Variants in NRL observed in about 807,000 individuals in gnomAD.
NRL encodes neural retina leucine zipper, also known as neural retina-specific leucine zipper protein.
NRL carries 16 observed loss-of-function variants against 12.5 expected under a neutral mutation model. That is an observed-to-expected ratio of 1.28 (90% confidence interval 0.87 to 1.95). NRL has a LOEUF of 1.95. Among genes scored for constraint, NRL ranks in the 30% most tolerant of loss-of-function variants. NRL has a pLI of 0.00. For missense variants in NRL, 314 were observed against 325.8 expected, an observed-to-expected ratio of 0.96 and a Z score of 0.28; for synonymous variants, 142 against 150.9, an observed-to-expected ratio of 0.94 and a Z score of 0.43.
At chr14:24,095,006 G>C in intron 1 of NRL, 1 of 495,552 alleles carries the variant, frequency 2.0e-6, no homozygotes, top group South Asian at 1.6e-5. Flanking sequence ...AGCAAGGTGG[G>C]AGGAGGGCGC....
At chr14:24,110,373 T>C (rs1469972900) in intron 1 of NRL, 1 of 378,082 alleles carries the variant, frequency 2.6e-6, no homozygotes, top group South Asian at 1.8e-5. Context: ...CCTCTCAAAG[T>C]ACTGGGATTA....
rs1389448998 is a variant in NRL at position 24,079,901 on chromosome 14, G to T, written c.*1335C>A. 6.6e-6 allele frequency among the ~76,000 whole-genome samples: 1 copy of T among 152,152 alleles called. No individual in the cohort carries two copies. The highest frequency in any genetic ancestry group is 1.5e-5 in the Non-Finnish European group (1 of 68,024). ...TGACAGGCCGAGCTGGGCCACTGAG[G>T]CTTCTGAGTTTGGTGGTGGTGGTGG... On this transcript the variant is annotated 3_prime_UTR_variant, in exon 3 of 3. Transcript: ENST00000561028.
At chr14:24,104,643 AAAAAAAAAAC>A (rs1433308124) in intron 1 of NRL, among the ~76,000 whole-genome samples, 1 of 149,378 alleles carries the variant, frequency 6.7e-6, no homozygotes, top group African/African-American at 2.5e-5. Flanking sequence ...TCCGTCACAA[AAAAAAAAAAC>A]AAAACAAAAC....
At chr14:24,098,055 A>G (rs2036971441) in intron 1 of NRL, 8 of 674,692 alleles carry the variant, frequency 1.2e-5, no homozygotes, top group South Asian at 4.1e-5. Context: ...GATGGGACAA[A>G]GCCTGGAGGA....
At chr14:24,100,833 G>A (rs1462787282) in intron 1 of NRL, among the ~76,000 whole-genome samples, 1 of 152,166 alleles carries the variant, frequency 6.6e-6, no homozygotes, top group Admixed American at 6.5e-5. Flanking sequence ...AATCAGGTCA[G>A]TGCTTGAGTC....
At chr14:24,084,021 C>T (rs1472027836) in intron 1 of NRL, among the ~76,000 whole-genome samples, 1 of 152,168 alleles carries the variant, frequency 6.6e-6, no homozygotes, top group Admixed American at 6.5e-5. Context: ...CACCCCACCC[C>T]CAGAAGGTGC....
intron 1 of NRL, among the ~76,000 whole-genome samples, chr14:24,108,632 A>T (rs1214789223): frequency 6.6e-6 from 1 of 151,886 alleles, no homozygotes; most frequent in African/African-American, 2.4e-5. Flanking sequence ...ACCCCGGGCC[A>T]CTAAAGGGTA....
intron 1 of NRL, among the ~76,000 whole-genome samples, chr14:24,089,872 T>C (rs1056316272): frequency 6.6e-6 from 1 of 151,974 alleles, no homozygotes; most frequent in Non-Finnish European, 1.5e-5. Context: ...GCAAAGGTTG[T>C]GAGGCAGGAA....
intron 1 of NRL, chr14:24,096,859 G>A: frequency 6.3e-7 from 1 of 1,594,156 alleles, no homozygotes; most frequent in Non-Finnish European, 8.6e-7. Context: ...CTCGATGACA[G>A]CAACTAGCTC....
intron 1 of NRL, among the ~76,000 whole-genome samples, chr14:24,110,018 T>A (rs955086157): frequency 6.6e-6 from 1 of 152,228 alleles, no homozygotes; most frequent in Admixed American, 6.5e-5. Context: ...GTGCTATAGC[T>A]GTATTCATCA....
chr14:24,081,107 T>C lies in NRL; in HGVS notation c.*129A>G. On this transcript the variant is annotated 3_prime_UTR_variant, in exon 3 of 3. Transcript: ENST00000561028. This position sits in a 1 kb window ranked among gnomAD's most constrained non-coding sequence, Gnocchi z 4.4. ...AGGACCCAAAAGCTTTGGGGATATT[T>C]GCGCGGTCATACAGGGCGTGGCTAG... 1.8e-6 allele frequency: 1 copy of C among 542,218 alleles called. No individual in the cohort carries two copies. The highest frequency in any genetic ancestry group is 3.5e-5 in the East Asian group (1 of 28,182). The allele number at this position is 542,218 out of a possible 1,614,324, so 33.6% of individuals were successfully genotyped here.
chr14:24,093,752 A>G (rs1294741086), intron 1 of NRL, among the ~76,000 whole-genome samples: 1 of 152,178 alleles, frequency 6.6e-6, no homozygotes, highest in African/African-American at 2.4e-5. Flanking sequence ...CCAGGGGTAG[A>G]GAGACTCCAC....
Position 24,094,260 on chromosome 14 carries a change from G to GC in NRL, c.-27-11386dup. The GC allele has an allele frequency of 1.3e-6, 1 of 746,774 alleles. No homozygotes were observed. Among genetic ancestry groups the GC allele is most frequent in the Non-Finnish European group, 2.2e-6 (1 of 462,626 alleles). The allele number at this position is 746,774 out of a possible 1,614,324, so 46.3% of individuals were successfully genotyped here. On this transcript the variant is annotated intron_variant, in intron 1 of 2. Coordinates refer to ENST00000561028, the MANE Select transcript of NRL (RefSeq NM_001354768.3). The surrounding 1 kb of genome is among the most constrained non-coding windows in gnomAD (Gnocchi z 4.1). The stretch of plus-strand genomic sequence containing the variant: ...GCTAGTGCCAGCCCTACCAGGTTCC[G>GC]CCCCCGCGCCTGCCCCCCTCCTTTT...
At chr14:24,097,701 C>T (rs1447081819) in intron 1 of NRL, among the ~76,000 whole-genome samples, 1 of 151,386 alleles carries the variant, frequency 6.6e-6, no homozygotes, top group Non-Finnish European at 1.5e-5. Context: ...TCAAGCAATT[C>T]TCCTGCCTCA....
chr14:24,092,231 T>A (rs2036653071), intron 1 of NRL, among the ~76,000 whole-genome samples: 1 of 151,778 alleles, frequency 6.6e-6, no homozygotes, highest in Non-Finnish European at 1.5e-5. Flanking sequence ...GAGGCAGGAG[T>A]CCAAGAAGTG....
chr14:24,097,090 G>T (rs562294109), intron 1 of NRL: 3 of 1,613,912 alleles, frequency 1.9e-6, no homozygotes, highest in South Asian at 2.2e-5. Flanking sequence ...CACTGACCCT[G>T]CTGGAGCAGC....
At position 24,097,138 on chromosome 14, in the gene NRL, G is replaced by A. The variant is rs1220114762; in HGVS notation, c.-27-14263C>T. Reference sequence around the variant, plus strand: ...GAAAGCTCCCCAAGTACAATAACTGGTAAGCCTTGGGCTCCACAACCTGCA... The same window carrying A: ...GAAAGCTCCCCAAGTACAATAACTGATAAGCCTTGGGCTCCACAACCTGCA... On this transcript the variant is annotated intron_variant, in intron 1 of 2. Transcript: ENST00000561028. 4 of 1,613,540 alleles carry A rather than the reference G, an allele frequency of 2.5e-6. No homozygotes were observed. Among genetic ancestry groups the A allele is most frequent in the Non-Finnish European group, 1.7e-6 (2 of 1,179,810 alleles).
chr14:24,100,191 G>A (rs763247421), intron 1 of NRL: 43 of 1,614,078 alleles, frequency 2.7e-5, no homozygotes, highest in Non-Finnish European at 3.6e-5. Context: ...TGACCTCCTG[G>A]CTGGGCAAAC....
At chr14:24,106,700 G>A (rs1294531078) in intron 1 of NRL, among the ~76,000 whole-genome samples, 4 of 148,608 alleles carry the variant, frequency 2.7e-5, no homozygotes, top group East Asian at 2.0e-4. Flanking sequence ...CAGCCTAGGC[G>A]ACAGAGTGAG....
Sources: allele counts gnomAD v4.1 joint callset (sites outside exome capture counted in the v4.1 genomes callset), GRCh38; gene constraint gnomAD v4.1.1; non-coding constraint Gnocchi (gnomAD v3.1); transcripts MANE v1.5; gene names NCBI Gene and HGNC (gene_info 2026-07-23, HGNC 2026-07-21).